Variants in RNF2 observed in about 807,000 individuals in gnomAD.
RNF2 encodes the protein E3 ubiquitin-protein ligase RING2.
In RNF2, 6 loss-of-function variants were observed where a neutral mutation model predicts 37.2. The ratio of observed to expected loss-of-function variants is 0.16; its 90% CI spans 0.09 to 0.32. The LOEUF (loss-of-function observed/expected upper bound fraction) is 0.32. Ranked by LOEUF, RNF2 falls within the 10% of genes least tolerant of loss-of-function variation. The pLI, the probability that RNF2 is intolerant of heterozygous loss-of-function variation, is 1.00. For synonymous variants in RNF2, 133 were observed against 132.7 expected, an observed-to-expected ratio of 1.00 and a Z score of -0.02; for missense variants, 251 against 404.0, an observed-to-expected ratio of 0.62 and a Z score of 3.25.
chr1:185,047,439 T>C (rs1196674492), intron 1 of RNF2, among the ~76,000 whole-genome samples: 1 of 152,204 alleles, frequency 6.6e-6, no homozygotes, highest in African/African-American at 2.4e-5. Flanking sequence ...TCAGCAAACA[T>C]GTTTGGAATT....
chr1:185,057,536 C>T (rs376878509), intron 1 of RNF2, among the ~76,000 whole-genome samples: 6 of 151,970 alleles, frequency 3.9e-5, no homozygotes, highest in African/African-American at 1.2e-4. Flanking sequence ...CTGTTGTCCC[C>T]GTAAGTTTAC....
chr1:185,071,698 TA>T, intron 1 of RNF2: 1 of 169,278 alleles, frequency 5.9e-6, no homozygotes, highest in Non-Finnish European at 1.3e-5. Context: ...CTCATTCAGG[TA>T]ATGCATCTCA....
chr1:185,075,286 A>G (rs1292655928), intron 1 of RNF2, among the ~76,000 whole-genome samples: 4 of 152,036 alleles, frequency 2.6e-5, no homozygotes, highest in African/African-American at 9.7e-5. Context: ...GAGCTACTGT[A>G]TTGTGTATTT....
chr1:185,091,849 T>C (rs2102200200), intron 3 of RNF2, 110 bp downstream of exon 3: 3 of 1,115,464 alleles, frequency 2.7e-6, no homozygotes, highest in East Asian at 2.4e-5. Flanking sequence ...GAGTTTCGCT[T>C]TTCTTGCCCA....
chr1:185,089,792 G>T (rs2102197536), intron 2 of RNF2, among the ~76,000 whole-genome samples: 1 of 152,170 alleles, frequency 6.6e-6, no homozygotes, highest in African/African-American at 2.4e-5. Flanking sequence ...CACTTTGGAA[G>T]GCCGAGGCCG....
rs573895721 is a variant in RNF2 at position 185,068,948 on chromosome 1, T to C, written c.-2-18604T>C. ...TTAAACATTTTTAGGTGCAGAACTCTTGACAGTTTTGCTCAAAATGTTACA... is the reference window on the plus strand; with the variant it reads ...TTAAACATTTTTAGGTGCAGAACTCCTGACAGTTTTGCTCAAAATGTTACA... On this transcript the variant is annotated intron_variant, in intron 1 of 6. Coordinates refer to ENST00000367510, the MANE Select transcript of RNF2 (RefSeq NM_007212.4). 3.6e-4 allele frequency among the ~76,000 whole-genome samples: 55 copies of C among 152,342 alleles called. 1 individual carries two copies. Among genetic ancestry groups the C allele is most frequent in the African/African-American group, 1.3e-3 (52 of 41,578 alleles).
intron 1 of RNF2, among the ~76,000 whole-genome samples, chr1:185,077,897 C>CT (rs1462889666): frequency 6.6e-6 from 1 of 152,032 alleles, no homozygotes; most frequent in African/African-American, 2.4e-5. Context: ...ATTTCTCTCA[C>CT]TACATATACC....
chr1:185,049,157 T>G (rs1650201384), intron 1 of RNF2, among the ~76,000 whole-genome samples: 1 of 151,862 alleles, frequency 6.6e-6, no homozygotes, highest in Non-Finnish European at 1.5e-5. Flanking sequence ...ACCCAGGAGG[T>G]GGAGGTTGCA....
intron 4 of RNF2, among the ~76,000 whole-genome samples, chr1:185,094,684 T>C (rs1651863765): frequency 1.3e-5 from 2 of 152,210 alleles, no homozygotes; most frequent in Admixed American, 1.3e-4. Context: ...TTTCCTTTGC[T>C]CAGAGCCCTC....
chr1:185,062,938 T>A (rs969037530), intron 1 of RNF2, among the ~76,000 whole-genome samples: 49 of 152,072 alleles, frequency 3.2e-4, no homozygotes, highest in Non-Finnish European at 2.8e-4. Flanking sequence ...CAGGGTTTTT[T>A]AAAAAAATGT....
chr1:185,056,638 TG>T (rs1459881359), intron 1 of RNF2, among the ~76,000 whole-genome samples: 5 of 152,232 alleles, frequency 3.3e-5, no homozygotes, highest in African/African-American at 1.2e-4. Flanking sequence ...CCCAAAGTGC[TG>T]GGATTACAGG....
intron 4 of RNF2, among the ~76,000 whole-genome samples, chr1:185,097,565 T>C (rs1460004748): frequency 6.6e-6 from 1 of 152,264 alleles, no homozygotes. Flanking sequence ...AGATAGCGTC[T>C]TACTCTGGCC....
chr1:185,056,871 G>A (rs889707526), intron 1 of RNF2, among the ~76,000 whole-genome samples: 16 of 152,208 alleles, frequency 1.1e-4, no homozygotes, highest in African/African-American at 3.9e-4. Flanking sequence ...GGAAATTGAA[G>A]AAGTAGGAAA....
At chr1:185,082,608 G>A (rs1651460866) in intron 1 of RNF2, among the ~76,000 whole-genome samples, 2 of 151,676 alleles carry the variant, frequency 1.3e-5, no homozygotes, top group Admixed American at 6.6e-5. Context: ...ACCCTCCTTG[G>A]CCTCCCAAAG....
At chr1:185,086,141 C>T (rs778455861) in intron 1 of RNF2, among the ~76,000 whole-genome samples, 42 of 152,042 alleles carry the variant, frequency 2.8e-4, no homozygotes, top group Non-Finnish European at 4.9e-4. Context: ...CTACCAAAGC[C>T]TCCTTAACTC....
intron 1 of RNF2, among the ~76,000 whole-genome samples, chr1:185,060,220 T>G (rs1650558405): frequency 6.6e-6 from 1 of 152,244 alleles, no homozygotes; most frequent in Non-Finnish European, 1.5e-5. Context: ...GTGTAAATCT[T>G]TTAGCTTTGC....
At chr1:185,058,831 G>T in intron 1 of RNF2, among the ~76,000 whole-genome samples, 1 of 152,082 alleles carries the variant, frequency 6.6e-6, no homozygotes, top group African/African-American at 2.4e-5. Flanking sequence ...GATTTTTTTA[G>T]ATATCACTTA....
chr1:185,082,609 C>T (rs1221013965), intron 1 of RNF2, among the ~76,000 whole-genome samples: 1 of 151,990 alleles, frequency 6.6e-6, no homozygotes, highest in Non-Finnish European at 1.5e-5. Flanking sequence ...CCCTCCTTGG[C>T]CTCCCAAAGT....
chr1:185,054,537 G>C (rs1412880177), intron 1 of RNF2, among the ~76,000 whole-genome samples: 1 of 152,128 alleles, frequency 6.6e-6, no homozygotes, highest in African/African-American at 2.4e-5. Flanking sequence ...CATTACGAGC[G>C]CTCTTCCTGA....
Sources: allele counts gnomAD v4.1 joint callset (sites outside exome capture counted in the v4.1 genomes callset), GRCh38; gene constraint gnomAD v4.1.1; transcripts MANE v1.5; gene names NCBI Gene and HGNC (gene_info 2026-07-23, HGNC 2026-07-21).